BCAR3: variants seen among roughly 807,000 people sequenced by gnomAD.
BCAR3 encodes the protein BCAR3 adaptor protein, NSP family member, also known as breast cancer anti-estrogen resistance protein 3.
BCAR3 carries 37 observed loss-of-function variants against 80.1 expected under a neutral mutation model. The ratio of observed to expected loss-of-function variants is 0.46; its 90% CI spans 0.36 to 0.61. The LOEUF is 0.61. BCAR3 is among the 20% of genes least tolerant of loss of function. The pLI, the probability that BCAR3 is intolerant of heterozygous loss-of-function variation, is 0.00. For synonymous variants in BCAR3, 389 were observed against 418.9 expected, an observed-to-expected ratio of 0.93 and a Z score of 0.87; for missense variants, 978 against 1,068.2, an observed-to-expected ratio of 0.92 and a Z score of 1.18.
At chr1:93,760,790 G>C (rs1216661965) in intron 2 of BCAR3, among the ~76,000 whole-genome samples, 1 of 152,124 alleles carries the variant, frequency 6.6e-6, no homozygotes, top group Non-Finnish European at 1.5e-5. Context: ...CTGGTAGAAA[G>C]GTCCCAGGAG....
chr1:93,785,178 C>A (rs1652897359), intron 2 of BCAR3, among the ~76,000 whole-genome samples: 1 of 152,138 alleles, frequency 6.6e-6, no homozygotes, highest in African/African-American at 2.4e-5. Context: ...AAAAAGAAAC[C>A]CCAAAATGTA....
At chr1:93,629,352 G>T (rs1181389129) in intron 3 of BCAR3, among the ~76,000 whole-genome samples, 2 of 152,142 alleles carry the variant, frequency 1.3e-5, no homozygotes, top group Non-Finnish European at 2.9e-5. Context: ...AATACAAGTT[G>T]TTCCCAGGAA....
chr1:93,588,101 T>A (rs2101842011), intron 5 of BCAR3, among the ~76,000 whole-genome samples: 1 of 152,246 alleles, frequency 6.6e-6, no homozygotes, highest in South Asian at 2.1e-4. Flanking sequence ...AACCACCCTT[T>A]CCAGGTGGAC....
intron 3 of BCAR3, among the ~76,000 whole-genome samples, chr1:93,619,997 A>G (rs906875389): frequency 1.3e-5 from 2 of 152,238 alleles, no homozygotes; most frequent in Non-Finnish European, 2.9e-5. Flanking sequence ...GAGATATCAC[A>G]TGGAGGGCCT....
At chr1:93,798,557 T>C in intron 2 of BCAR3, among the ~76,000 whole-genome samples, 1 of 152,146 alleles carries the variant, frequency 6.6e-6, no homozygotes, top group East Asian at 1.9e-4. Flanking sequence ...TCCAAAGACA[T>C]GAGCTGCACC....
chr1:93,633,544 G>A (rs1339376807), intron 3 of BCAR3, among the ~76,000 whole-genome samples: 1 of 152,174 alleles, frequency 6.6e-6, no homozygotes, highest in Non-Finnish European at 1.5e-5. Context: ...CTCATCAAGG[G>A]TCTGGCCTCC....
chr1:93,656,967 A>C (rs528023337), intron 2 of BCAR3, among the ~76,000 whole-genome samples: 91 of 152,276 alleles, frequency 6.0e-4, no homozygotes, highest in African/African-American at 2.1e-3. Flanking sequence ...GTTGTTTCTG[A>C]AAGGGAATTT....
At chr1:93,594,092 C>T (rs1314638820) in intron 3 of BCAR3, among the ~76,000 whole-genome samples, 2 of 152,168 alleles carry the variant, frequency 1.3e-5, no homozygotes, top group Admixed American at 6.5e-5. Flanking sequence ...AACTCGGCCA[C>T]GCTTTATTGT....
rs1557829858 is a variant in BCAR3 at position 93,562,239 on chromosome 1, T to TATC, written c.2477_*1dup. On this transcript the variant is annotated 3_prime_UTR_variant, in exon 12 of 12. Transcript: ENST00000260502. ...ATATTCTAAAGGTTCTCTGGAGAGT[T>TATC]ATCAAAGCTCTGCCTGCTTTACAGG... is the stretch of plus-strand genomic sequence containing the variant. 1 of 1,612,616 alleles carries TATC rather than the reference T, an allele frequency of 6.2e-7. No individual in the cohort carries two copies. The highest frequency in any genetic ancestry group is 1.1e-5 in the South Asian group (1 of 90,774).
chr1:93,798,266 C>T lies in BCAR3; in HGVS notation c.-63+47301G>A, dbSNP rs548668954. The stretch of plus-strand genomic sequence containing the variant: ...CTCCCTTAGTCATATTTGCTTTTTC[C>T]GCTTTGGAGCCTTTTCTTGAGCCCC... On this transcript the variant is annotated intron_variant, in intron 2 of 13. Transcript: ENST00000370244. Among the ~76,000 whole-genome samples the T allele has an allele frequency of 7.0e-4, 107 of 152,280 alleles. 2 individuals are homozygous for T. Among genetic ancestry groups the T allele is most frequent in the Admixed American group, 5.9e-4 (9 of 15,300 alleles).
intron 3 of BCAR3, among the ~76,000 whole-genome samples, chr1:93,597,129 T>C (rs373822038): frequency 1.3e-5 from 2 of 152,216 alleles, no homozygotes; most frequent in Middle Eastern, 3.4e-3. Flanking sequence ...ATAATAAGTA[T>C]AACTTCAGCA....
At chr1:93,776,826 G>A (rs963099735) in intron 2 of BCAR3, among the ~76,000 whole-genome samples, 7 of 152,122 alleles carry the variant, frequency 4.6e-5, no homozygotes, top group Non-Finnish European at 7.4e-5. Context: ...TCCTATTTGT[G>A]ATCTAGGCTG....
At chr1:93,606,815 G>A (rs772828297) in intron 3 of BCAR3, among the ~76,000 whole-genome samples, 60 of 152,234 alleles carry the variant, frequency 3.9e-4, no homozygotes, top group Middle Eastern at 3.2e-3. Context: ...AGTAGGACTG[G>A]ACAGGAAGGA....
chr1:93,567,217 C>CCATTCCTT, intron 11 of BCAR3, 62 bp downstream of exon 11: 1 of 1,561,286 alleles, frequency 6.4e-7, no homozygotes. Flanking sequence ...CCATGCTCTT[C>CCATTCCTT]CATTCCTTCA....
intron 2 of BCAR3, among the ~76,000 whole-genome samples, chr1:93,809,470 T>G (rs757585370): frequency 1.2e-4 from 18 of 152,054 alleles, no homozygotes; most frequent in Non-Finnish European, 2.4e-4. Flanking sequence ...TATTTGATCT[T>G]AAATCATTAA....
intron 3 of BCAR3, among the ~76,000 whole-genome samples, chr1:93,601,458 G>T (rs562857540): frequency 6.6e-6 from 1 of 152,262 alleles, no homozygotes; most frequent in Non-Finnish European, 1.5e-5. Flanking sequence ...GAGTAAGCAG[G>T]CATACTGTCG....
At chr1:93,619,100 A>ATTTTTTTTT (rs34715455) in intron 3 of BCAR3, among the ~76,000 whole-genome samples, 4 of 126,722 alleles carry the variant, frequency 3.2e-5, no homozygotes, top group East Asian at 2.2e-4. Flanking sequence ...CACCACGCCA[A>ATTTTTTTTT]TTTTTTTTTT....
chr1:93,802,411 T>C (rs1653513694), intron 2 of BCAR3, among the ~76,000 whole-genome samples: 1 of 152,188 alleles, frequency 6.6e-6, no homozygotes, highest in African/African-American at 2.4e-5. Flanking sequence ...GTGAACCAAC[T>C]GACACAGAGC....
intron 2 of BCAR3, among the ~76,000 whole-genome samples, chr1:93,662,557 G>C (rs939406423): frequency 7.2e-5 from 11 of 151,850 alleles, no homozygotes; most frequent in African/African-American, 2.2e-4. Flanking sequence ...CAATATTATT[G>C]TCTAGAAGAT....
Sources: allele counts gnomAD v4.1 joint callset (sites outside exome capture counted in the v4.1 genomes callset), GRCh38; gene constraint gnomAD v4.1.1; transcripts MANE v1.5; gene names NCBI Gene and HGNC (gene_info 2026-07-23, HGNC 2026-07-21).